Variants in RAB3IP observed in about 807,000 individuals in gnomAD.
RAB3IP encodes the protein rab-3A-interacting protein.
In RAB3IP, 36 loss-of-function variants were observed where a neutral mutation model predicts 59.1. The observed-to-expected ratio is 0.61, with a 90% CI of 0.47 to 0.80. RAB3IP has a LOEUF of 0.80. RAB3IP is among the 30% of genes least tolerant of loss of function. The probability of loss-of-function intolerance (pLI) is 0.00; values close to 1 mark genes in which losing one functional copy is unlikely to be tolerated. For missense variants in RAB3IP, 511 were observed against 536.0 expected, an observed-to-expected ratio of 0.95 and a Z score of 0.46; for synonymous variants, 207 against 191.2, an observed-to-expected ratio of 1.08 and a Z score of -0.68.
rs186558689 is a variant in RAB3IP, at chr12:69,759,030, C to T, written c.510+2367C>T. 9.3e-3 allele frequency among the ~76,000 whole-genome samples: 1,394 copies of T among 150,124 alleles called. 19 individuals carry two copies. The highest frequency in any genetic ancestry group is 0.03 in the African/African-American group (1,218 of 40,622). ...ATTGATCATTCTTGGGTGTTTCTCG[C>T]AGAGGGGGATTTGGCAGGGTCATAG... is the stretch of plus-strand genomic sequence containing the variant. On this transcript the variant is annotated intron_variant, in intron 3 of 10. Coordinates refer to ENST00000247833, the MANE Select transcript of RAB3IP (RefSeq NM_022456.5).
chr12:69,815,871 C>T lies in RAB3IP; in HGVS notation c.*425C>T. 1 of 152,874 alleles carries T rather than the reference C, an allele frequency of 6.5e-6. No homozygotes were observed. Among genetic ancestry groups the T allele is most frequent in the Middle Eastern group, 3.1e-3 (1 of 318 alleles). The allele number at this position is 152,874 out of a possible 1,614,324, so 9.5% of individuals were successfully genotyped here. A position where few individuals can be genotyped will look rare whatever the true frequency, so the allele number is the denominator to read the frequency against. On this transcript the variant is annotated 3_prime_UTR_variant, in exon 11 of 11. Transcript: ENST00000247833. ...AGTGGATAGTACTCACTTTCCAAGG[C>T]CCCCACCTCTAGAATGGCTTTATTT...
At chr12:69,809,596 T>C (rs142212434) in intron 8 of RAB3IP, among the ~76,000 whole-genome samples, 6,376 of 152,294 alleles carry the variant, frequency 0.042, 139 homozygotes, top group Non-Finnish European at 0.048. Context: ...GCTTTGTTCA[T>C]TTCTTTTTAT....
chr12:69,800,866 G>T (rs547238515), intron 7 of RAB3IP, among the ~76,000 whole-genome samples: 1 of 152,296 alleles, frequency 6.6e-6, no homozygotes, highest in South Asian at 2.1e-4. Flanking sequence ...TCTTACATGT[G>T]AAAGGTTTGT....
At chr12:69,807,204 G>C (rs1472564222) in intron 8 of RAB3IP, among the ~76,000 whole-genome samples, 1 of 141,864 alleles carries the variant, frequency 7.0e-6, no homozygotes, top group Non-Finnish European at 1.5e-5. Context: ...GACAGTGGGC[G>C]GCCAGGCAGA....
chr12:69,768,104 C>T lies in RAB3IP; in HGVS notation c.510+11441C>T, dbSNP rs145000500. Among the ~76,000 whole-genome samples the T allele has an allele frequency of 2.6e-5, 4 of 152,232 alleles. No individual in the cohort carries two copies. The East Asian group carries it at 7.7e-4, about 29-fold the overall frequency. ...GCTGGTTCCCTGAATGTCTGCAGATCTGCTTGGGTGTGTAGTGGAGAGGAC... is the reference window on the plus strand; with the variant it reads ...GCTGGTTCCCTGAATGTCTGCAGATTTGCTTGGGTGTGTAGTGGAGAGGAC... On this transcript the variant is annotated intron_variant, in intron 3 of 10. Transcript: ENST00000247833.
chr12:69,755,604 C>T lies in RAB3IP; in HGVS notation c.196C>T (p.Gln66Ter). The T allele has an allele frequency of 6.2e-7, 1 of 1,614,034 alleles. No homozygotes were observed. Residue 66 changes from glutamine (Q) to a stop codon, truncating the protein, a stop_gained, in exon 2 of 11, where the codon CAA (glutamine) becomes TAA (stop). Coordinates refer to ENST00000247833, the MANE Select transcript of RAB3IP (RefSeq NM_022456.5). LOFTEE classifies it high-confidence loss of function. ...ATTAGATGTTTCTGAACTTCCTACA[C>T]AACCCGTGTATTCATCCCCCAGACG... ...NALDVSELPT[Q>*]PVYSSPRRLN...
intron 1 of RAB3IP, among the ~76,000 whole-genome samples, chr12:69,743,763 A>T (rs539534834): frequency 6.6e-6 from 1 of 150,830 alleles, no homozygotes; most frequent in African/African-American, 2.4e-5. Context: ...TACTCTCGCA[A>T]AGTATTTACT....
intron 3 of RAB3IP, among the ~76,000 whole-genome samples, chr12:69,762,775 A>G (rs1300607653): frequency 1.3e-5 from 2 of 148,940 alleles, no homozygotes; most frequent in Admixed American, 6.6e-5. Context: ...AAAAAAAAAA[A>G]AAAAGAAAAA....
chr12:69,806,532 T>C (rs2136266325), intron 8 of RAB3IP, among the ~76,000 whole-genome samples: 1 of 151,762 alleles, frequency 6.6e-6, no homozygotes, highest in East Asian at 1.9e-4. Flanking sequence ...TTTCTTGCCT[T>C]CTGCTAGCTT....
chr12:69,820,897 A>C lies in RAB3IP; in HGVS notation c.*5451A>C, dbSNP rs1483505862. 6.6e-6 allele frequency: 1 copy of C among 151,552 alleles called. No individual in the cohort carries two copies. Among genetic ancestry groups the C allele is most frequent in the Non-Finnish European group, 1.5e-5 (1 of 67,954 alleles). 9.4% of individuals were successfully genotyped at this position (151,552 alleles called of 1,614,324 possible). ...AAAACCCAAACTCAATAGAAAATCA[A>C]GTTTTCATAGTGGTAGTTGTTAACA... On this transcript the variant is annotated 3_prime_UTR_variant, in exon 11 of 11. Transcript: ENST00000247833.
intron 1 of RAB3IP, chr12:69,739,655 C>T (rs1887079605): frequency 1.6e-6 from 1 of 625,646 alleles, no homozygotes; most frequent in Non-Finnish European, 2.8e-6. Context: ...CGGAGTCGCG[C>T]CCAAGTAGGC....
chr12:69,759,798 T>C (rs1169820761), intron 3 of RAB3IP, among the ~76,000 whole-genome samples: 9 of 125,996 alleles, frequency 7.1e-5, no homozygotes, highest in Non-Finnish European at 1.0e-4. Flanking sequence ...GGGGCTGACC[T>C]CCCACCTCCC....
chr12:69,761,101 T>TC (rs1341245246), intron 3 of RAB3IP, among the ~76,000 whole-genome samples: 1 of 152,226 alleles, frequency 6.6e-6, no homozygotes, highest in African/African-American at 2.4e-5. Flanking sequence ...AATCTTTTTT[T>TC]CCTCACTGTG....
chr12:69,755,681 T>C, intron 2 of RAB3IP, 22 bp downstream of exon 2: 2 of 1,575,236 alleles, frequency 1.3e-6, no homozygotes, highest in Non-Finnish European at 1.7e-6. Context: ...GTAAATCACT[T>C]ATTTGATTTT....
chr12:69,806,803 A>G (rs1417324474), intron 8 of RAB3IP, among the ~76,000 whole-genome samples: 3 of 152,034 alleles, frequency 2.0e-5, no homozygotes, highest in Non-Finnish European at 4.4e-5. Context: ...GCAGCCTTTA[A>G]GCATCTGTTT....
chr12:69,751,933 C>G (rs899707231), intron 1 of RAB3IP, among the ~76,000 whole-genome samples: 1 of 150,984 alleles, frequency 6.6e-6, no homozygotes, highest in African/African-American at 2.4e-5. Flanking sequence ...AAAAGTCTAG[C>G]TTTCATATTT....
intron 4 of RAB3IP, among the ~76,000 whole-genome samples, chr12:69,789,019 C>G (rs1876182582): frequency 6.6e-6 from 1 of 151,740 alleles, no homozygotes. Context: ...ACACAACGTA[C>G]CAAAACTTAA....
At chr12:69,744,545 A>C (rs1381020637) in intron 1 of RAB3IP, among the ~76,000 whole-genome samples, 1 of 152,072 alleles carries the variant, frequency 6.6e-6, no homozygotes, top group African/African-American at 2.4e-5. Flanking sequence ...CAACATGGCA[A>C]AACCCCATCT....
At chr12:69,765,296 T>G (rs757080059) in intron 3 of RAB3IP, among the ~76,000 whole-genome samples, 2 of 152,188 alleles carry the variant, frequency 1.3e-5, no homozygotes, top group African/African-American at 2.4e-5. Context: ...GCTCTTATTA[T>G]TTTGAGGTAC....
Sources: gnomAD v4.1 joint callset for allele counts (sites outside exome capture counted in the v4.1 genomes callset) on GRCh38, gnomAD v4.1.1 for gene constraint, MANE v1.5 for transcripts, NCBI Gene and HGNC (gene_info 2026-07-23, HGNC 2026-07-21) for gene names.